The following GALNT13 variants were observed in gnomAD, a reference collection of about 807,000 sequenced individuals.
GALNT13 encodes the protein UDP-GalNAc:polypeptide N-acetylgalactosaminyltransferase 13.
Under a neutral mutation model 64.2 loss-of-function variants are expected in GALNT13, and 28 were observed. The observed-to-expected ratio is 0.44, with a 90% CI of 0.32 to 0.60. The LOEUF is 0.60. GALNT13 is among the 20% of genes least tolerant of loss of function. The pLI, the probability that GALNT13 is intolerant of heterozygous loss-of-function variation, is 0.05. For synonymous variants in GALNT13, 214 were observed against 224.6 expected, an observed-to-expected ratio of 0.95 and a Z score of 0.42; for missense variants, 577 against 669.8, an observed-to-expected ratio of 0.86 and a Z score of 1.53.
rs552044027 is a variant in GALNT13 at position 154,182,307 on chromosome 2, G to A, written c.311+41802G>A. 1.4e-3 allele frequency among the ~76,000 whole-genome samples: 217 copies of A among 152,184 alleles called. 1 individual carries two copies. The highest frequency in any genetic ancestry group is 2.5e-3 in the Non-Finnish European group (172 of 68,002). Reference sequence around the variant, plus strand: ...ATTTCTTCAATGCATTTCCAGTTGCGCATACTGAAAAGCATAAATTGCTGT... The same window carrying A: ...ATTTCTTCAATGCATTTCCAGTTGCACATACTGAAAAGCATAAATTGCTGT... On this transcript the variant is annotated intron_variant, in intron 4 of 12. Coordinates refer to ENST00000392825, the MANE Select transcript of GALNT13 (RefSeq NM_052917.4).
At chr2:153,586,494 G>A in the GALNT13 span, among the ~76,000 whole-genome samples, 1 of 152,140 alleles carries the variant, frequency 6.6e-6, no homozygotes, top group Middle Eastern at 3.4e-3. Context: ...CAGCAATTCT[G>A]AACACATATG....
chr2:154,236,650 C>A (rs77113738), intron 4 of GALNT13, among the ~76,000 whole-genome samples: 3,687 of 152,146 alleles, frequency 0.024, 129 homozygotes, highest in African/African-American at 0.077. Flanking sequence ...ATATTCCTTT[C>A]AAATTGATGA....
the GALNT13 span, among the ~76,000 whole-genome samples, chr2:153,283,305 G>T: frequency 6.6e-6 from 1 of 152,214 alleles, no homozygotes; most frequent in Admixed American, 6.5e-5. Context: ...TTTGCATGGG[G>T]AGGGGGACAG....
the GALNT13 span, among the ~76,000 whole-genome samples, chr2:153,401,624 T>A: frequency 6.6e-6 from 1 of 150,998 alleles, no homozygotes; most frequent in Admixed American, 6.6e-5. Context: ...ATTGGGTGCA[T>A]ATATATTTAG....
intron 3 of GALNT13, among the ~76,000 whole-genome samples, chr2:154,077,768 T>C (rs1208256122): frequency 6.6e-6 from 1 of 151,546 alleles, no homozygotes; most frequent in Non-Finnish European, 1.5e-5. Flanking sequence ...TCTAGAATTA[T>C]TTTTAGTGTT....
downstream of GALNT13, among the ~76,000 whole-genome samples, chr2:154,456,511 C>A (rs1702034360): frequency 6.6e-6 from 1 of 151,766 alleles, no homozygotes; most frequent in South Asian, 2.1e-4. Context: ...GCTTAACCTC[C>A]ATGTTTGTGG....
At chr2:153,722,489 A>C in the GALNT13 span, among the ~76,000 whole-genome samples, 1 of 148,668 alleles carries the variant, frequency 6.7e-6, no homozygotes, top group African/African-American at 2.6e-5. Flanking sequence ...GAGACACAAA[A>C]AACCCTTCAA....
At chr2:153,758,240 C>CT in the GALNT13 span, among the ~76,000 whole-genome samples, 4 of 150,374 alleles carry the variant, frequency 2.7e-5, no homozygotes, top group South Asian at 2.1e-4. Flanking sequence ...AAGAGACTGT[C>CT]TTTTTTCTAT....
chr2:153,338,521 A>G, the GALNT13 span, among the ~76,000 whole-genome samples: 1 of 152,004 alleles, frequency 6.6e-6, no homozygotes, highest in Non-Finnish European at 1.5e-5. Context: ...ATATATACTT[A>G]TGGTGTACAA....
At chr2:153,554,656 A>ATGTGTGTG in the GALNT13 span, among the ~76,000 whole-genome samples, 9,495 of 146,182 alleles carry the variant, frequency 0.065, 321 homozygotes, top group Middle Eastern at 0.1. Context: ...GATGCTGTAT[A>ATGTGTGTG]TGTGTGTGTG....
At chr2:153,977,571 C>T (rs753071263) in intron 3 of GALNT13, among the ~76,000 whole-genome samples, 1 of 152,128 alleles carries the variant, frequency 6.6e-6, no homozygotes, top group African/African-American at 2.4e-5. Context: ...TGGTCCCTCC[C>T]ACGACATGTG....
the GALNT13 span, among the ~76,000 whole-genome samples, chr2:153,800,172 T>A: frequency 6.6e-6 from 1 of 151,136 alleles, no homozygotes; most frequent in Non-Finnish European, 1.5e-5. Context: ...AAGCAAATAT[T>A]GCAATAAACC....
intron 8 of GALNT13, among the ~76,000 whole-genome samples, chr2:154,297,850 A>C (rs923397619): frequency 6.6e-6 from 1 of 152,094 alleles, no homozygotes; most frequent in African/African-American, 2.4e-5. Context: ...TATCTGGGTG[A>C]ATGTTGGCAC....
At chr2:154,432,388 A>T (rs1225789182) in intron 11 of GALNT13, among the ~76,000 whole-genome samples, 1 of 152,172 alleles carries the variant, frequency 6.6e-6, no homozygotes, top group Non-Finnish European at 1.5e-5. Context: ...TTGCAAAGAC[A>T]CTTTGGAAAT....
chr2:153,580,733 G>T, the GALNT13 span, among the ~76,000 whole-genome samples: 14 of 152,114 alleles, frequency 9.2e-5, no homozygotes, highest in African/African-American at 3.1e-4. Context: ...TATAACAATT[G>T]CTTAAAAAGA....
the GALNT13 span, among the ~76,000 whole-genome samples, chr2:153,606,246 C>CACACAT: frequency 6.6e-6 from 1 of 152,012 alleles, no homozygotes; most frequent in Non-Finnish European, 1.5e-5. Context: ...CGTATATACA[C>CACACAT]ACACATACAC....
chr2:154,445,704 C>A, intron 12 of GALNT13: 1 of 585,746 alleles, frequency 1.7e-6, no homozygotes, highest in Non-Finnish European at 2.6e-6. Context: ...AACATAAATC[C>A]AATAATTTGT....
the GALNT13 span, among the ~76,000 whole-genome samples, chr2:153,629,395 G>T: frequency 0.037 from 5,573 of 151,706 alleles, 131 homozygotes; most frequent in Middle Eastern, 0.065. Context: ...CAAGCAGTGG[G>T]GAAAGGATTC....
intron 4 of GALNT13, among the ~76,000 whole-genome samples, chr2:154,151,585 C>G (rs1178786932): frequency 6.6e-6 from 1 of 152,106 alleles, no homozygotes; most frequent in African/African-American, 2.4e-5. Flanking sequence ...GTAAGTCACT[C>G]AGGACTTGCT....
Sources: gnomAD v4.1 joint callset for allele counts (sites outside exome capture counted in the v4.1 genomes callset) on GRCh38, gnomAD v4.1.1 for gene constraint, MANE v1.5 for transcripts, NCBI Gene and HGNC (gene_info 2026-07-23, HGNC 2026-07-21) for gene names.